The following CTNND2 variants were observed in gnomAD, a reference collection of about 807,000 sequenced individuals.
CTNND2 encodes catenin delta 2.
CTNND2 carries 22 observed loss-of-function variants against 144.4 expected under a neutral mutation model. That is an observed-to-expected ratio of 0.15 (90% CI 0.11 to 0.22). CTNND2 has a LOEUF of 0.22. CTNND2 is among the 10% of genes least tolerant of loss of function. The pLI is 1.00. For missense variants in CTNND2, 1,353 were observed against 1,618.8 expected, an observed-to-expected ratio of 0.84 and a Z score of 2.82; for synonymous variants, 751 against 695.6, an observed-to-expected ratio of 1.08 and a Z score of -1.25.
chr5:11,547,359 T>A lies in CTNND2; in HGVS notation c.287+17585A>T, dbSNP rs866574946. 8.8e-4 allele frequency among the ~76,000 whole-genome samples: 133 copies of A among 151,888 alleles called. No individual in the cohort carries two copies. In the Middle Eastern group the frequency reaches 0.01, roughly 12 times the overall value. On this transcript the variant is annotated intron_variant, in intron 3 of 21. Transcript: ENST00000304623. ...ATAGCTTTACAATTCACAGAATAAA[T>A]AATGGGAAATTATTTAAATGTTGTT...
chr5:11,884,815 T>C (rs760809179), intron 1 of CTNND2, among the ~76,000 whole-genome samples: 2 of 152,224 alleles, frequency 1.3e-5, no homozygotes, highest in Non-Finnish European at 2.9e-5. Flanking sequence ...ACTGCCTTTA[T>C]TGTTTTGAGG....
chr5:11,724,483 T>C (rs1261679026), intron 2 of CTNND2, among the ~76,000 whole-genome samples: 1 of 152,208 alleles, frequency 6.6e-6, no homozygotes, highest in Non-Finnish European at 1.5e-5. Context: ...AACAAAATAA[T>C]TTAATAAAAG....
At chr5:11,079,854 G>A (rs1402373617) in intron 16 of CTNND2, among the ~76,000 whole-genome samples, 2 of 152,148 alleles carry the variant, frequency 1.3e-5, no homozygotes, top group Non-Finnish European at 2.9e-5. Flanking sequence ...TTAAATGTAA[G>A]ACCTAAACTA....
At chr5:11,508,275 TCAA>T (rs924661255) in intron 3 of CTNND2, 34 of 152,208 alleles carry the variant, frequency 2.2e-4, no homozygotes, top group Admixed American at 2.2e-3. Context: ...GGTTCTCTCT[TCAA>T]CACACTGCAT....
chr5:11,345,303 T>C (rs1242530184), intron 9 of CTNND2, among the ~76,000 whole-genome samples: 1 of 152,192 alleles, frequency 6.6e-6, no homozygotes, highest in Non-Finnish European at 1.5e-5. Flanking sequence ...CGATTTCTGG[T>C]AGATAACAGT....
chr5:11,900,008 CGTGTT>C (rs1737724743), intron 1 of CTNND2, among the ~76,000 whole-genome samples: 1 of 152,000 alleles, frequency 6.6e-6, no homozygotes. Context: ...TGACATATAA[CGTGTT>C]TGTGTGTGTG....
At chr5:11,503,366 C>T (rs1474839782) in intron 3 of CTNND2, among the ~76,000 whole-genome samples, 1 of 152,200 alleles carries the variant, frequency 6.6e-6, no homozygotes, top group African/African-American at 2.4e-5. Flanking sequence ...TTCTTCTAGG[C>T]TATTATATTT....
intron 1 of CTNND2, among the ~76,000 whole-genome samples, chr5:11,736,465 A>T (rs779760342): frequency 3.3e-5 from 5 of 152,168 alleles, no homozygotes; most frequent in Non-Finnish European, 2.9e-5. Context: ...ATGATTCATA[A>T]TTTTTTTAAT....
intron 9 of CTNND2, among the ~76,000 whole-genome samples, chr5:11,311,882 A>C: frequency 2.5e-5 from 3 of 120,358 alleles, no homozygotes; most frequent in Non-Finnish European, 5.1e-5. Flanking sequence ...CCACTCACAC[A>C]CTCCCCATAC....
intron 3 of CTNND2, among the ~76,000 whole-genome samples, chr5:11,554,363 CTATT>C (rs1237332592): frequency 6.6e-6 from 1 of 152,100 alleles, no homozygotes; most frequent in Non-Finnish European, 1.5e-5. Flanking sequence ...ATTTAGGTGA[CTATT>C]TACAACACAA....
At chr5:11,764,223 G>C (rs1789446274) in intron 1 of CTNND2, among the ~76,000 whole-genome samples, 1 of 152,172 alleles carries the variant, frequency 6.6e-6, no homozygotes, top group African/African-American at 2.4e-5. Context: ...AGTCAGAGAA[G>C]GCAGGGAAAT....
chr5:11,599,900 T>C (rs1779696632), intron 2 of CTNND2, among the ~76,000 whole-genome samples: 1 of 152,132 alleles, frequency 6.6e-6, no homozygotes, highest in Non-Finnish European at 1.5e-5. Context: ...CGGCATTCTA[T>C]GGCCATAGAG....
chr5:11,543,332 TG>T (rs1159702915), intron 3 of CTNND2, among the ~76,000 whole-genome samples: 5 of 152,150 alleles, frequency 3.3e-5, no homozygotes, highest in African/African-American at 1.2e-4. Context: ...CATTCCTTCA[TG>T]TAAGGGAGAC....
At chr5:11,518,725 G>C (rs573555577) in intron 3 of CTNND2, among the ~76,000 whole-genome samples, 4 of 152,242 alleles carry the variant, frequency 2.6e-5, no homozygotes, top group African/African-American at 9.6e-5. Flanking sequence ...ACTGCCTACA[G>C]TATTCAATAC....
chr5:11,520,144 T>C (rs1352184273), intron 3 of CTNND2, among the ~76,000 whole-genome samples: 2 of 120,882 alleles, frequency 1.7e-5, no homozygotes, highest in Non-Finnish European at 3.6e-5. Flanking sequence ...TGAAACTCTG[T>C]CTTGGAAAAA....
intron 1 of CTNND2, among the ~76,000 whole-genome samples, chr5:11,816,053 T>C (rs1000559586): frequency 2.6e-5 from 4 of 152,044 alleles, no homozygotes; most frequent in South Asian, 4.1e-4. Context: ...CAGAACACAG[T>C]TGGAGCGTGC....
chr5:11,037,781 T>A (rs1435423068), intron 16 of CTNND2, among the ~76,000 whole-genome samples: 1 of 152,232 alleles, frequency 6.6e-6, no homozygotes, highest in Non-Finnish European at 1.5e-5. Context: ...AAAACTCATT[T>A]TTAAAATCCT....
intron 3 of CTNND2, among the ~76,000 whole-genome samples, chr5:11,506,650 C>T (rs1771064091): frequency 6.6e-6 from 1 of 152,202 alleles, no homozygotes; most frequent in Non-Finnish European, 1.5e-5. Flanking sequence ...TCCCATAACA[C>T]CATGCTGTTT....
chr5:11,750,208 G>T (rs1369455132), intron 1 of CTNND2, among the ~76,000 whole-genome samples: 1 of 151,904 alleles, frequency 6.6e-6, no homozygotes, highest in African/African-American at 2.4e-5. Flanking sequence ...CCTAAAATCA[G>T]TCTTGCTGTT....
Sources: allele counts gnomAD v4.1 joint callset (sites outside exome capture counted in the v4.1 genomes callset), GRCh38; gene constraint gnomAD v4.1.1; transcripts MANE v1.5; gene names NCBI Gene and HGNC (gene_info 2026-07-23, HGNC 2026-07-21).